Variants in FRMPD4 observed in about 807,000 individuals in gnomAD.
FRMPD4 encodes FERM and PDZ domain containing 4.
A neutral mutation model predicts 94.1 loss-of-function variants in FRMPD4; 22 were observed. The observed-to-expected ratio is 0.23, with a 90% CI of 0.17 to 0.33. The LOEUF is 0.33. Ranked by LOEUF, FRMPD4 falls within the 10% of genes least tolerant of loss-of-function variation. The pLI, the probability that FRMPD4 is intolerant of heterozygous loss-of-function variation, is 1.00. For synonymous variants in FRMPD4, 631 were observed against 548.6 expected, an observed-to-expected ratio of 1.15 and a Z score of -2.10; for missense variants, 1,111 against 1,339.9, an observed-to-expected ratio of 0.83 and a Z score of 2.67.
At chrX:12,119,405 A>G (rs1048238715) in intron 3 of FRMPD4, among the ~76,000 whole-genome samples, 2 of 112,497 alleles carry the variant, frequency 1.8e-5, no homozygotes, top group Non-Finnish European at 3.8e-5. Context: ...CTGATATGTC[A>G]TCAATATGAA....
intron 14 of FRMPD4, among the ~76,000 whole-genome samples, chrX:12,710,756 A>C (rs977668143): frequency 2.7e-5 from 3 of 110,416 alleles, no homozygotes; most frequent in Non-Finnish European, 5.7e-5. Context: ...AAATACAAAA[A>C]TTAGCTGGGC....
intron 4 of FRMPD4, among the ~76,000 whole-genome samples, chrX:12,664,029 T>C (rs1235668739): frequency 8.9e-6 from 1 of 112,446 alleles, no homozygotes; most frequent in Non-Finnish European, 1.9e-5. Flanking sequence ...ATAGGAATGC[T>C]TGTGATCTTT....
intron 2 of FRMPD4, among the ~76,000 whole-genome samples, chrX:12,500,871 C>T (rs999626292): frequency 8.9e-6 from 1 of 112,124 alleles, no homozygotes; most frequent in Admixed American, 9.4e-5. Context: ...TTAAGGTGAA[C>T]TAGATGCTTT....
chrX:11,839,420 T>C (rs951976907), intron 1 of FRMPD4, among the ~76,000 whole-genome samples: 9 of 111,678 alleles, frequency 8.1e-5, no homozygotes, highest in East Asian at 5.6e-4. Flanking sequence ...TTAAGTCTTT[T>C]ACCCATTTTT....
chrX:12,692,068 T>C (rs2060085604), intron 8 of FRMPD4, among the ~76,000 whole-genome samples: 1 of 112,228 alleles, frequency 8.9e-6, no homozygotes, highest in African/African-American at 3.2e-5. Context: ...TTATACTTTC[T>C]CTCTAAACTT....
chrX:12,301,877 G>A (rs1349519429), intron 1 of FRMPD4, among the ~76,000 whole-genome samples: 1 of 111,862 alleles, frequency 8.9e-6, no homozygotes, highest in Non-Finnish European at 1.9e-5. Flanking sequence ...AGGATACAAT[G>A]AGTCACCTTC....
intron 1 of FRMPD4, among the ~76,000 whole-genome samples, chrX:12,316,355 G>A (rs1601811341): frequency 9.1e-6 from 1 of 109,467 alleles, no homozygotes; most frequent in African/African-American, 3.3e-5. Flanking sequence ...GTTTCACCAT[G>A]TTGGCCAGGC....
intron 2 of FRMPD4, among the ~76,000 whole-genome samples, chrX:12,576,155 G>A (rs186452612): frequency 3.6e-5 from 4 of 111,792 alleles, no homozygotes; most frequent in African/African-American, 1.3e-4. Flanking sequence ...ACTTCTGATC[G>A]CCAAAGCTCT....
chrX:11,969,679 T>C (rs2054329976), intron 3 of FRMPD4, among the ~76,000 whole-genome samples: 1 of 111,817 alleles, frequency 8.9e-6, no homozygotes, highest in African/African-American at 3.3e-5. Context: ...TAAAATCATG[T>C]CGGTGAAAGG....
chrX:12,539,128 T>C (rs1186061197), intron 2 of FRMPD4, among the ~76,000 whole-genome samples: 1 of 112,340 alleles, frequency 8.9e-6, no homozygotes, highest in Non-Finnish European at 1.9e-5. Flanking sequence ...GCACGAGAAC[T>C]ACATGACGCT....
At chrX:12,114,874 C>T (rs139646405) in intron 3 of FRMPD4, among the ~76,000 whole-genome samples, 81 of 112,195 alleles carry the variant, frequency 7.2e-4, no homozygotes, top group South Asian at 2.2e-3. Context: ...TAAATGTTTC[C>T]GTGTATCTAT....
intron 3 of FRMPD4, among the ~76,000 whole-genome samples, chrX:12,106,315 A>G (rs12832444): frequency 0.22 from 24,922 of 110,972 alleles, 2,051 homozygotes; most frequent in South Asian, 0.37. Flanking sequence ...TTATTACATA[A>G]TTGTCCTTCT....
intron 1 of FRMPD4, among the ~76,000 whole-genome samples, chrX:12,445,575 G>A (rs5935345): frequency 0.036 from 4,052 of 112,006 alleles, 85 homozygotes; most frequent in Non-Finnish European, 0.058. Flanking sequence ...AATGTAAAAG[G>A]TCGGTAGTTA....
At chrX:12,483,083 G>T (rs1019469683) in intron 1 of FRMPD4, among the ~76,000 whole-genome samples, 1 of 112,621 alleles carries the variant, frequency 8.9e-6, no homozygotes, top group Non-Finnish European at 1.9e-5. Flanking sequence ...TGCAGAAAAT[G>T]CATGGAATTC....
At chrX:12,382,472 C>CTAGCATAGCATAGCATAGCATAGCA (rs201285510) in intron 1 of FRMPD4, among the ~76,000 whole-genome samples, 14 of 80,880 alleles carry the variant, frequency 1.7e-4, no homozygotes, top group African/African-American at 7.3e-4. Flanking sequence ...GGTGACTCTC[C>CTAGCATAGCATAGCATAGCATAGCA]TAGCATAGCA....
chrX:12,260,885 G>A (rs764899207), intron 1 of FRMPD4, among the ~76,000 whole-genome samples: 1 of 111,692 alleles, frequency 9.0e-6, no homozygotes, highest in South Asian at 3.7e-4. Flanking sequence ...TTCTGCATAT[G>A]GCTAACTTCT....
chrX:12,679,297 G>A (rs11095580), intron 5 of FRMPD4, among the ~76,000 whole-genome samples: 29,829 of 110,618 alleles, frequency 0.27, 4,464 homozygotes, highest in African/African-American at 0.58. Flanking sequence ...GGAGACATGC[G>A]GGAAAAAGAA....
chrX:12,253,837 T>C (rs956698476), intron 1 of FRMPD4, among the ~76,000 whole-genome samples: 2 of 111,306 alleles, frequency 1.8e-5, no homozygotes, highest in Non-Finnish European at 3.8e-5. Context: ...GATTTTCTAC[T>C]AAGAGGAGCA....
intron 1 of FRMPD4, among the ~76,000 whole-genome samples, chrX:12,205,570 A>G (rs1303520515): frequency 3.6e-5 from 4 of 111,854 alleles, no homozygotes; most frequent in Non-Finnish European, 7.5e-5. Flanking sequence ...TTCTTTCTGT[A>G]TACTCTCAGA....
Sources: allele counts gnomAD v4.1 joint callset (sites outside exome capture counted in the v4.1 genomes callset), GRCh38; gene constraint gnomAD v4.1.1; transcripts MANE v1.5; gene names NCBI Gene and HGNC (gene_info 2026-07-23, HGNC 2026-07-21).